VAC14: variants seen among roughly 807,000 people sequenced by gnomAD.
VAC14 encodes protein VAC14 homolog.
A neutral mutation model predicts 85.3 loss-of-function variants in VAC14; 47 were observed. The observed-to-expected ratio is 0.55, with a 90% CI of 0.44 to 0.70. The LOEUF is 0.70. Among genes scored for constraint, VAC14 ranks in the 30% least tolerant of loss-of-function variants. The probability of loss-of-function intolerance (pLI) is 0.00; values close to 1 mark genes in which losing one functional copy is unlikely to be tolerated. For synonymous variants in VAC14, 447 were observed against 430.5 expected (o/e 1.04, Z -0.47); for missense variants, 861 against 1,004.3 (o/e 0.86, Z 1.93).
chr16:70,780,892 C>A lies in VAC14; in HGVS notation c.994G>T (p.Val332Phe), dbSNP rs1289824074. ...NVCNQSLMKL[V>F]TPEDDELDEL... is the part of the protein sequence containing the mutation. ...TCCAGCTCGTCGTCCTCGGGGGTGACCAGCTTCATCAGGCTCTGGTTGCAC... is the reference window on the plus strand; with the variant it reads ...TCCAGCTCGTCGTCCTCGGGGGTGAACAGCTTCATCAGGCTCTGGTTGCAC... The change falls in exon 9 of 19, where the codon GTC (valine) becomes TTC (phenylalanine). Residue 332 changes from valine to phenylalanine, a missense_variant. Val to Phe is a conservative substitution (Grantham distance 50, BLOSUM62 -1). Around this residue, in one of 3 missense-constraint regions of VAC14, gnomAD observed 629 missense variants for 703.1 expected, o/e 0.89. Transcript: ENST00000261776. The A allele has an allele frequency of 1.2e-6, 2 of 1,614,036 alleles. No homozygotes were observed. The highest frequency in any genetic ancestry group is 1.3e-5 in the African/African-American group (1 of 74,896).
intron 10 of VAC14, among the ~76,000 whole-genome samples, chr16:70,763,309 GA>G (rs1476285790): frequency 1.3e-5 from 2 of 152,186 alleles, no homozygotes; most frequent in African/African-American, 2.4e-5. Flanking sequence ...TGTTTTGGGG[GA>G]TGAGGACCAG....
At chr16:70,775,302 T>A (rs574864169) in intron 9 of VAC14, among the ~76,000 whole-genome samples, 1 of 152,204 alleles carries the variant, frequency 6.6e-6, no homozygotes, top group Non-Finnish European at 1.5e-5. Context: ...TAATCTTCAA[T>A]CTTACTTTTC....
At chr16:70,705,643 G>A (rs545599607) in intron 14 of VAC14, among the ~76,000 whole-genome samples, 1 of 152,320 alleles carries the variant, frequency 6.6e-6, no homozygotes, top group Non-Finnish European at 1.5e-5. Context: ...GATGAGCGTG[G>A]AGGCTGGGGG....
At position 70,687,794 on chromosome 16, in the gene VAC14, G is replaced by C. The variant is rs758785453; in HGVS notation, c.*134C>G. On this transcript the variant is annotated 3_prime_UTR_variant, in exon 19 of 19. Coordinates refer to ENST00000261776, the MANE Select transcript of VAC14 (RefSeq NM_018052.5). Reference sequence around the variant, plus strand: ...AGCTTGGGCAGACACAGCAGCCTCCGGCCCCAACACTGCCCTGGGTTGGCA... The same window carrying C: ...AGCTTGGGCAGACACAGCAGCCTCCCGCCCCAACACTGCCCTGGGTTGGCA... The C allele has an allele frequency of 6.9e-6, 7 of 1,007,736 alleles. No homozygotes were observed. Among genetic ancestry groups the C allele is most frequent in the Non-Finnish European group, 9.1e-6 (7 of 768,606 alleles). 62.4% of individuals were successfully genotyped at this position (1,007,736 alleles called of 1,614,324 possible).
intron 18 of VAC14, chr16:70,690,493 T>C: frequency 1.0e-6 from 1 of 985,640 alleles, no homozygotes; most frequent in South Asian, 4.7e-5. Flanking sequence ...CAGCTTTTTC[T>C]TAGAGGTTCC....
At chr16:70,689,137 C>T (rs2053552883) in intron 18 of VAC14, 9 of 978,252 alleles carry the variant, frequency 9.2e-6, no homozygotes, top group South Asian at 9.4e-5. Flanking sequence ...ATAACTCCAC[C>T]GCTTCCTAGC....
At chr16:70,702,002 A>G (rs1208454750) in intron 14 of VAC14, among the ~76,000 whole-genome samples, 1 of 152,200 alleles carries the variant, frequency 6.6e-6, no homozygotes, top group Non-Finnish European at 1.5e-5. Flanking sequence ...TCTGAAATGC[A>G]GGCCCCTCCT....
intron 12 of VAC14, among the ~76,000 whole-genome samples, chr16:70,750,445 A>G (rs2031287569): frequency 6.6e-6 from 1 of 151,246 alleles, no homozygotes; most frequent in African/African-American, 2.4e-5. Flanking sequence ...CCATGGTGAC[A>G]GGCGGGGGTG....
intron 2 of VAC14, 63 bp downstream of exon 2, chr16:70,786,152 G>A (rs1055274126): frequency 3.4e-5 from 54 of 1,580,348 alleles, no homozygotes; most frequent in African/African-American, 4.0e-5. Flanking sequence ...GGAAGGCATC[G>A]GGATGGCTTG....
At chr16:70,734,624 G>A (rs1406965482) in intron 13 of VAC14, among the ~76,000 whole-genome samples, 1 of 152,126 alleles carries the variant, frequency 6.6e-6, no homozygotes, top group Non-Finnish European at 1.5e-5. Flanking sequence ...TATACAGTGT[G>A]AGGAAAGGGT....
At chr16:70,728,702 T>C (rs1302558047) in intron 14 of VAC14, among the ~76,000 whole-genome samples, 3 of 152,208 alleles carry the variant, frequency 2.0e-5, no homozygotes, top group Admixed American at 6.5e-5. Flanking sequence ...GTCTTGGTCA[T>C]GTGGGGCTGA....
At chr16:70,698,882 C>T in intron 14 of VAC14, 71 bp from the exon 15 acceptor site, 12 of 1,553,146 alleles carry the variant, frequency 7.7e-6, no homozygotes, top group Non-Finnish European at 1.0e-5. Flanking sequence ...CCTGGGAGGC[C>T]TCCTCTTGGT....
chr16:70,722,412 G>A (rs2054317320), intron 14 of VAC14, among the ~76,000 whole-genome samples: 1 of 152,244 alleles, frequency 6.6e-6, no homozygotes, highest in Admixed American at 6.5e-5. Context: ...TGCCTGGTCT[G>A]GGCGGCCTTT....
At chr16:70,779,414 C>A (rs2033697517) in intron 9 of VAC14, among the ~76,000 whole-genome samples, 2 of 152,324 alleles carry the variant, frequency 1.3e-5, no homozygotes, top group South Asian at 4.1e-4. Flanking sequence ...TAAAAAATTT[C>A]TTGACAAATT....
intron 14 of VAC14, chr16:70,714,326 C>T (rs1395364690): frequency 1.3e-5 from 2 of 152,248 alleles, no homozygotes; most frequent in African/African-American, 4.8e-5. Flanking sequence ...GGGAAATATT[C>T]ACAGACGGGG....
At chr16:70,719,602 G>T (rs2054239939) in intron 14 of VAC14, among the ~76,000 whole-genome samples, 1 of 152,164 alleles carries the variant, frequency 6.6e-6, no homozygotes. Flanking sequence ...TATCCAAAAG[G>T]CCACTAAGCT....
intron 14 of VAC14, among the ~76,000 whole-genome samples, chr16:70,701,074 AG>A (rs1476659497): frequency 6.6e-6 from 1 of 152,190 alleles, no homozygotes; most frequent in Non-Finnish European, 1.5e-5. Context: ...ACAGAAGGTC[AG>A]GAATAGTGGA....
chr16:70,744,002 G>A (rs116082425), intron 13 of VAC14, among the ~76,000 whole-genome samples: 1,677 of 152,140 alleles, frequency 0.011, 29 homozygotes, highest in African/African-American at 0.039. Context: ...TGGGCTGCCT[G>A]CCACGTGCAG....
At chr16:70,776,828 T>G (rs1477242358) in intron 9 of VAC14, among the ~76,000 whole-genome samples, 17 of 152,022 alleles carry the variant, frequency 1.1e-4, no homozygotes, top group Non-Finnish European at 1.5e-5. Context: ...TTTTTTTTTT[T>G]TTGAGATGGA....
Sources: allele counts gnomAD v4.1 joint callset (sites outside exome capture counted in the v4.1 genomes callset), GRCh38; gene constraint gnomAD v4.1.1; regional missense constraint gnomAD v4.1.1; transcripts MANE v1.5; gene names NCBI Gene and HGNC (gene_info 2026-07-23, HGNC 2026-07-21).